Variants in SIAH3 observed in about 807,000 individuals in gnomAD.
The protein encoded by SIAH3 is seven in absentia homolog 3.
SIAH3 carries 9 observed loss-of-function variants against 12.6 expected under a neutral mutation model. That is an observed-to-expected ratio of 0.72 (90% confidence interval 0.43 to 1.25). SIAH3 has a LOEUF of 1.25. Ranked by LOEUF, SIAH3 falls within the 50% of genes most tolerant of loss-of-function variation. The probability of loss-of-function intolerance (pLI) is 0.00; values close to 1 mark genes in which losing one functional copy is unlikely to be tolerated. For missense variants in SIAH3, 390 were observed against 365.4 expected (o/e 1.07, Z -0.55); for synonymous variants, 154 against 151.1 (o/e 1.02, Z -0.14).
intron 1 of SIAH3, among the ~76,000 whole-genome samples, chr13:45,841,227 G>T (rs981763000): frequency 6.6e-6 from 1 of 152,218 alleles, no homozygotes; most frequent in Non-Finnish European, 1.5e-5. Flanking sequence ...AGATCCGAGA[G>T]GCCATGAAGT....
chr13:45,816,956 A>G (rs1950636826), intron 1 of SIAH3, among the ~76,000 whole-genome samples: 2 of 152,240 alleles, frequency 1.3e-5, no homozygotes, highest in Non-Finnish European at 2.9e-5. Flanking sequence ...TGCACCAGGC[A>G]ATGGGATGCA....
chr13:45,783,806 C>A lies in SIAH3; in HGVS notation c.387G>T (p.Gln129His), dbSNP rs1300974455. The change falls in exon 2 of 2, where the codon CAG becomes CAT. Residue 129 changes from glutamine (Q) to histidine (H), a missense_variant. Coordinates refer to ENST00000400405, the MANE Select transcript of SIAH3 (RefSeq NM_198849.3). The stretch of plus-strand genomic sequence containing the variant: ...CCTGGAGGATGTCAACCCTATGGAT[C>A]TGCCGCAGGTGGGGCACCACCACCT... ...RLEVVVPHLR[Q>H]IHRVDILQGA... The A allele has an allele frequency of 1.9e-6, 3 of 1,614,232 alleles. No individual in the cohort carries two copies. Among genetic ancestry groups the A allele is most frequent in the Non-Finnish European group, 2.5e-6 (3 of 1,180,050 alleles).
rs559107287 is a variant in SIAH3 at position 45,814,188 on chromosome 13, G to A, written c.136-30131C>T. On this transcript the variant is annotated intron_variant, in intron 1 of 1. Transcript: ENST00000400405. ...CGGGAGGCGGAGCTTGCAGTGAGCCGAGATGGCACCACTACACTCTAGCCT... is the reference window on the plus strand; with the variant it reads ...CGGGAGGCGGAGCTTGCAGTGAGCCAAGATGGCACCACTACACTCTAGCCT... 7.2e-4 allele frequency among the ~76,000 whole-genome samples: 101 copies of A among 140,116 alleles called. No individual in the cohort carries two copies. The Middle Eastern group carries it at 0.013, about 18-fold the overall frequency. The allele number at this position is 140,116 out of a possible 152,430, so 91.9% of individuals were successfully genotyped here. A position where few individuals can be genotyped will look rare whatever the true frequency, so the allele number is the denominator to read the frequency against.
In SIAH3 at chr13:45,781,852, ACTTGGATG is replaced by A. The variant is rs1242599750; in HGVS notation, c.*1523_*1530del. 1 of 152,196 alleles carries A rather than the reference ACTTGGATG, an allele frequency of 6.6e-6. No individual in the cohort carries two copies. Among genetic ancestry groups the A allele is most frequent in the Non-Finnish European group, 1.5e-5 (1 of 68,064 alleles). 9.4% of individuals were successfully genotyped at this position (152,196 alleles called of 1,614,324 possible). On this transcript the variant is annotated 3_prime_UTR_variant, in exon 2 of 2. Transcript: ENST00000400405. The stretch of plus-strand genomic sequence containing the variant: ...GCAACCTGCCTGAGACTAAGTAGTC[ACTTGGATG>A]CCTGCCAGGACCAAGCCGAGGGGGT...
chr13:45,810,005 C>G (rs1950611069), intron 1 of SIAH3, among the ~76,000 whole-genome samples: 1 of 152,226 alleles, frequency 6.6e-6, no homozygotes, highest in Non-Finnish European at 1.5e-5. Context: ...TTGCCATGGG[C>G]TCCCTGGTCG....
chr13:45,783,863 G>T lies in SIAH3; in HGVS notation c.330C>A (p.Pro110=). ...NPVTPCLCMC[P]LFSCQWEGRL... is the part of the protein sequence containing the mutation. ...GGCCTTCCCACTGGCAGGAGAACAA[G>T]GGACACATGCACAGGCAGGGCGTCA... The change falls in exon 2 of 2, where the codon CCC becomes CCA. Residue 110 remains proline, a synonymous_variant. Transcript: ENST00000400405. The T allele has an allele frequency of 1.2e-6, 2 of 1,614,008 alleles. No homozygotes were observed. Among genetic ancestry groups the T allele is most frequent in the Non-Finnish European group, 1.7e-6 (2 of 1,179,964 alleles).
At chr13:45,811,862 A>G (rs1217280250) in intron 1 of SIAH3, among the ~76,000 whole-genome samples, 1 of 152,152 alleles carries the variant, frequency 6.6e-6, no homozygotes, top group African/African-American at 2.4e-5. Flanking sequence ...CATTTTAGGA[A>G]AAGAGTCTAC....
In SIAH3 at chr13:45,783,938, G is replaced by A. The variant is rs1212046624; in HGVS notation, c.255C>T (p.Ala85=). 9.3e-6 allele frequency: 15 copies of A among 1,607,714 alleles called. No homozygotes were observed. The highest frequency in any genetic ancestry group is 1.2e-5 in the Non-Finnish European group (14 of 1,177,364). Residue 85 remains alanine (A), a synonymous_variant, in exon 2 of 2, where the codon GCC becomes GCT. Coordinates refer to ENST00000400405, the MANE Select transcript of SIAH3 (RefSeq NM_198849.3). The stretch of plus-strand genomic sequence containing the variant: ...CCTGGTGGTGAAGGTGGTGGGGGTG[G>A]GCGTGGTGGCGGAGGTGGTGGTGGT... ...HRHHHHLRHH[A]HPHHLHHQEA... is the part of the protein sequence containing the mutation.
At chr13:45,848,263 C>T (rs1221446303) in intron 1 of SIAH3, among the ~76,000 whole-genome samples, 1 of 152,196 alleles carries the variant, frequency 6.6e-6, no homozygotes, top group Non-Finnish European at 1.5e-5. Flanking sequence ...CATTTGGAAC[C>T]CTAATCTGTG....
intron 1 of SIAH3, among the ~76,000 whole-genome samples, chr13:45,796,596 C>T (rs1261131657): frequency 1.3e-5 from 2 of 152,216 alleles, no homozygotes; most frequent in Non-Finnish European, 2.9e-5. Flanking sequence ...TGAAGGTGTT[C>T]ACACCATGCC....
chr13:45,850,481 A>C (rs757108371), intron 1 of SIAH3, among the ~76,000 whole-genome samples: 68 of 152,132 alleles, frequency 4.5e-4, no homozygotes, highest in Non-Finnish European at 6.5e-4. Flanking sequence ...CTTACACAGG[A>C]GTACAGGAAA....
At chr13:45,796,680 G>A (rs968702183) in intron 1 of SIAH3, among the ~76,000 whole-genome samples, 1 of 152,208 alleles carries the variant, frequency 6.6e-6, no homozygotes, top group Non-Finnish European at 1.5e-5. Flanking sequence ...TGGCGGCTAA[G>A]GACCAACACT....
At chr13:45,824,454 C>T (rs1489813758) in intron 1 of SIAH3, among the ~76,000 whole-genome samples, 1 of 152,190 alleles carries the variant, frequency 6.6e-6, no homozygotes, top group Non-Finnish European at 1.5e-5. Flanking sequence ...AGCCTCCATA[C>T]CCCTCACCTG....
intron 1 of SIAH3, among the ~76,000 whole-genome samples, chr13:45,817,226 G>A (rs80305007): frequency 7.2e-4 from 109 of 152,284 alleles, no homozygotes; most frequent in African/African-American, 2.3e-3. Flanking sequence ...TCTTTTCTAT[G>A]TTTAGATATT....
At chr13:45,789,122 A>G (rs7324967) in intron 1 of SIAH3, among the ~76,000 whole-genome samples, 5,493 of 152,270 alleles carry the variant, frequency 0.036, 329 homozygotes, top group African/African-American at 0.12. Flanking sequence ...AGATGCTTCC[A>G]AACAGGTAAG....
In SIAH3 at chr13:45,789,933, A is replaced by G. The variant is rs558975816; in HGVS notation, c.136-5876T>C. Among the ~76,000 whole-genome samples, 17 of 152,320 alleles carry G rather than the reference A, an allele frequency of 1.1e-4. No individual in the cohort carries two copies. The East Asian group carries it at 3.3e-3, about 29-fold the overall frequency. ...AATTAGTAGTTTGTTAATCAGCATA[A>G]TAGATGCTAGAAATGGGCTCTAGTT... On this transcript the variant is annotated intron_variant, in intron 1 of 1. Transcript: ENST00000400405.
At position 45,784,046 on chromosome 13, in the gene SIAH3, A is replaced by G. The variant is rs1249159940; in HGVS notation, c.147T>C (p.Ser49=). ...NPTHNLKYVS[S]RRAVTQSAPE... is the part of the protein sequence containing the mutation. ...GAGCGCTCTGAGTGACGGCGCGCCG[A>G]CTGGACACATACTGTAAGGAAAGAG... is the stretch of plus-strand genomic sequence containing the variant. Residue 49 remains serine, a synonymous_variant, in exon 2 of 2, where the codon AGT becomes AGC. Transcript: ENST00000400405. The G allele has an allele frequency of 1.9e-6, 3 of 1,586,232 alleles. No homozygotes were observed. The highest frequency in any genetic ancestry group is 8.6e-7 in the Non-Finnish European group (1 of 1,166,500).
intron 1 of SIAH3, among the ~76,000 whole-genome samples, chr13:45,834,846 G>A (rs975005288): frequency 2.0e-5 from 3 of 152,126 alleles, no homozygotes; most frequent in Non-Finnish European, 4.4e-5. Flanking sequence ...ACCTCTCTGG[G>A]CCTCAGATCC....
chr13:45,832,707 C>A (rs899555720), intron 1 of SIAH3, among the ~76,000 whole-genome samples: 6 of 152,158 alleles, frequency 3.9e-5, no homozygotes, highest in Non-Finnish European at 8.8e-5. Flanking sequence ...GATTCTAGGT[C>A]ATATGGTAAT....
Sources: gnomAD v4.1 joint callset for allele counts (sites outside exome capture counted in the v4.1 genomes callset) on GRCh38, gnomAD v4.1.1 for gene constraint, MANE v1.5 for transcripts, NCBI Gene and HGNC (gene_info 2026-07-23, HGNC 2026-07-21) for gene names.